Variants in THEMIS observed in about 807,000 individuals in gnomAD.
The protein encoded by THEMIS is thymocyte selection associated, also known as protein THEMIS.
A neutral mutation model predicts 52.6 loss-of-function variants in THEMIS; 37 were observed. The ratio of observed to expected loss-of-function variants is 0.70; its 90% CI spans 0.54 to 0.93. The LOEUF is 0.93. Among genes scored for constraint, THEMIS ranks in the 40% least tolerant of loss-of-function variants. The pLI, the probability that THEMIS is intolerant of heterozygous loss-of-function variation, is 0.00. For synonymous variants in THEMIS, 292 were observed against 272.7 expected, an observed-to-expected ratio of 1.07 and a Z score of -0.70; for missense variants, 808 against 763.1, an observed-to-expected ratio of 1.06 and a Z score of -0.69.
chr6:127,718,356 C>G (rs1337474830), intron 5 of THEMIS, among the ~76,000 whole-genome samples: 2 of 151,788 alleles, frequency 1.3e-5, no homozygotes, highest in African/African-American at 4.8e-5. Context: ...GCTTTAATTC[C>G]AGGTCATCTT....
intron 1 of THEMIS, among the ~76,000 whole-genome samples, chr6:127,881,043 T>C (rs1436754590): frequency 1.3e-5 from 2 of 152,082 alleles, no homozygotes; most frequent in Non-Finnish European, 2.9e-5. Context: ...AACTTGACTA[T>C]TGCATCAAAG....
chr6:127,792,033 G>T lies in THEMIS; in HGVS notation c.1758+20850C>A, dbSNP rs544560701. Among the ~76,000 whole-genome samples, 3 of 152,278 alleles carry T rather than the reference G, an allele frequency of 2.0e-5. No individual in the cohort carries two copies. In the East Asian group the frequency reaches 5.8e-4, roughly 30 times the overall value. On this transcript the variant is annotated intron_variant, in intron 4 of 5. Transcript: ENST00000368248. ...GGCTGCTCTGCCACAGCTGCCCCTG[G>T]GAGGGCAGGGCTCCAGCTCCTCCAA...
At chr6:127,862,428 ATTTTTTTT>A (rs71028110) in intron 1 of THEMIS, among the ~76,000 whole-genome samples, 5 of 72,808 alleles carry the variant, frequency 6.9e-5, no homozygotes, top group African/African-American at 9.5e-5. Flanking sequence ...TAGGGAGTAA[ATTTTTTTT>A]TTTTTTTTTT....
At chr6:127,884,207 A>T (rs1048283386) in intron 1 of THEMIS, among the ~76,000 whole-genome samples, 1 of 152,102 alleles carries the variant, frequency 6.6e-6, no homozygotes, top group Non-Finnish European at 1.5e-5. Context: ...CACTTTGTCC[A>T]TACTTCCCAT....
chr6:127,917,027 C>T (rs1459907729), intron 1 of THEMIS, among the ~76,000 whole-genome samples: 2 of 152,152 alleles, frequency 1.3e-5, no homozygotes, highest in Non-Finnish European at 2.9e-5. Flanking sequence ...TTTGCAAAAG[C>T]ATTGATGTTA....
intron 3 of THEMIS, among the ~76,000 whole-genome samples, chr6:127,821,680 TG>T (rs1293784491): frequency 1.3e-5 from 2 of 151,840 alleles, no homozygotes; most frequent in Non-Finnish European, 2.9e-5. Flanking sequence ...TATTTGCCAC[TG>T]TAACAACCCT....
chr6:127,755,730 C>T (rs776042258), intron 4 of THEMIS, among the ~76,000 whole-genome samples: 1 of 152,068 alleles, frequency 6.6e-6, no homozygotes, highest in African/African-American at 2.4e-5. Flanking sequence ...TCATCATGGT[C>T]TTTAAAAAAT....
chr6:127,774,251 G>A lies in THEMIS; in HGVS notation c.1758+38632C>T, dbSNP rs927199513. 2.0e-5 allele frequency among the ~76,000 whole-genome samples: 3 copies of A among 152,180 alleles called. No homozygotes were observed. In the South Asian group the frequency reaches 6.2e-4, roughly 32 times the overall value. Reference sequence around the variant, plus strand: ...GACGGAGTCTCGCTCTGTCGCCCAGGCTGGAGTGCAGTGGCGCCATCTCCG... The same window carrying A: ...GACGGAGTCTCGCTCTGTCGCCCAGACTGGAGTGCAGTGGCGCCATCTCCG... On this transcript the variant is annotated intron_variant, in intron 4 of 5. Coordinates refer to ENST00000368248, the MANE Select transcript of THEMIS (RefSeq NM_001010923.3).
intron 1 of THEMIS, among the ~76,000 whole-genome samples, chr6:127,913,708 G>A (rs556269671): frequency 5.5e-4 from 83 of 152,256 alleles, no homozygotes; most frequent in South Asian, 1.2e-3. Context: ...TATTTAATCT[G>A]TATTTGAAGT....
chr6:127,766,385 TA>T (rs1333580797), intron 4 of THEMIS, among the ~76,000 whole-genome samples: 2 of 152,198 alleles, frequency 1.3e-5, no homozygotes, highest in African/African-American at 2.4e-5. Flanking sequence ...CTTTGTTTTT[TA>T]AACATGTTTA....
At chr6:127,908,867 G>A (rs920170464) in intron 1 of THEMIS, among the ~76,000 whole-genome samples, 2 of 151,484 alleles carry the variant, frequency 1.3e-5, no homozygotes, top group Non-Finnish European at 2.9e-5. Flanking sequence ...TGCCATTTGC[G>A]TTTTGATGTG....
At chr6:127,718,325 T>C (rs1774242114) in intron 5 of THEMIS, among the ~76,000 whole-genome samples, 1 of 151,720 alleles carries the variant, frequency 6.6e-6, no homozygotes, top group Non-Finnish European at 1.5e-5. Flanking sequence ...AGTTAGGGGG[T>C]CTCACTTGCC....
intron 1 of THEMIS, among the ~76,000 whole-genome samples, chr6:127,894,601 A>G (rs2114482859): frequency 6.6e-6 from 1 of 152,082 alleles, no homozygotes; most frequent in East Asian, 1.9e-4. Flanking sequence ...CTGGAAAAGT[A>G]GCAAGAGAGA....
chr6:127,797,446 A>G (rs1020134826), intron 4 of THEMIS, among the ~76,000 whole-genome samples: 16 of 152,156 alleles, frequency 1.1e-4, no homozygotes, highest in Non-Finnish European at 2.4e-4. Flanking sequence ...TCTTCAGAGA[A>G]CCCACACCTT....
intron 1 of THEMIS, among the ~76,000 whole-genome samples, chr6:127,876,020 G>C (rs1780303651): frequency 1.3e-5 from 2 of 152,164 alleles, no homozygotes; most frequent in South Asian, 4.1e-4. Context: ...CCGATTATCT[G>C]ACATCCAATG....
upstream of THEMIS, among the ~76,000 whole-genome samples, chr6:127,904,181 A>G (rs951392959): frequency 6.7e-4 from 102 of 152,084 alleles, no homozygotes; most frequent in African/African-American, 2.3e-3. Context: ...TCCTCCAGGA[A>G]AAGTCAGAGA....
At chr6:127,749,817 A>T (rs1248392438) in intron 4 of THEMIS, among the ~76,000 whole-genome samples, 2 of 151,410 alleles carry the variant, frequency 1.3e-5, no homozygotes, top group Non-Finnish European at 3.0e-5. Context: ...AGCAAAATAC[A>T]TCCTAGAGAA....
rs139321339 is a variant in THEMIS, at chr6:127,856,476, C to A, written c.92-1288G>T. Among the ~76,000 whole-genome samples the A allele has an allele frequency of 2.4e-4, 37 of 151,990 alleles. No homozygotes were observed. The East Asian group carries it at 7.2e-3, about 30-fold the overall frequency. ...GACCTCACTCTTCTCCATAGGCATC[C>A]CATTAGCCAAATTCTGCCAGAAGCC... On this transcript the variant is annotated intron_variant, in intron 1 of 5. Transcript: ENST00000368248.
rs554431208 is a variant in THEMIS, at chr6:127,864,850, A to G, written c.92-9662T>C. Among the ~76,000 whole-genome samples the G allele has an allele frequency of 7.2e-4, 109 of 152,298 alleles. 1 individual carries two copies. Among genetic ancestry groups the G allele is most frequent in the African/African-American group, 2.5e-3 (106 of 41,586 alleles). ...ACTCATAGAAGTCAGAAAAGCTGTT[A>G]TACTCATGGTTACAGTTTACTCAGA... On this transcript the variant is annotated intron_variant, in intron 1 of 5. Transcript: ENST00000368248.
Sources: gnomAD v4.1 joint callset for allele counts (sites outside exome capture counted in the v4.1 genomes callset) on GRCh38, gnomAD v4.1.1 for gene constraint, MANE v1.5 for transcripts, NCBI Gene and HGNC (gene_info 2026-07-23, HGNC 2026-07-21) for gene names.